IL17D: variants seen among roughly 807,000 people sequenced by gnomAD.
IL17D encodes the protein interleukin-17D.
A neutral mutation model predicts 5.7 loss-of-function variants in IL17D; 10 were observed. The ratio of observed to expected loss-of-function variants is 1.75; its 90% CI spans 1.08 to 2.97. The LOEUF is 2.97. Ranked by LOEUF, IL17D falls within the 30% of genes most tolerant of loss-of-function variation. IL17D has a pLI of 0.00. For synonymous variants in IL17D, 172 were observed against 141.7 expected, an observed-to-expected ratio of 1.21 and a Z score of -1.52; for missense variants, 354 against 292.7, an observed-to-expected ratio of 1.21 and a Z score of -1.53.
intron 1 of IL17D, chr13:20,717,101 A>G (rs2058683753): frequency 6.6e-6 from 1 of 152,158 alleles, no homozygotes; most frequent in Admixed American, 6.5e-5. Context: ...CTCCCAGCTC[A>G]GTTTCCATCA....
Position 20,721,834 on chromosome 13 carries a change from C to T in IL17D, c.489C>T (p.Ile163=). 6.2e-7 allele frequency: 1 copy of T among 1,610,714 alleles called. No individual in the cohort carries two copies. Among genetic ancestry groups the T allele is most frequent in the Middle Eastern group, 1.6e-4 (1 of 6,062 alleles). Residue 163 remains isoleucine, a synonymous_variant, in exon 2 of 2, where the codon ATC becomes ATT. Transcript: ENST00000682841. ...TCTACACCGAGGCCTACGTCACCAT[C>T]CCCGTGGGCTGCACCTGCGTCCCCG... is the stretch of plus-strand genomic sequence containing the variant. ...RSVYTEAYVT[I]PVGCTCVPEP...
At position 20,713,507 on chromosome 13, in the gene IL17D, G is replaced by GA. The variant is rs2058656635; in HGVS notation, c.291-8128dup. On this transcript the variant is annotated intron_variant, in intron 1 of 1. Coordinates refer to ENST00000682841, the MANE Select transcript of IL17D (RefSeq NM_001385224.1). The stretch of plus-strand genomic sequence containing the variant: ...AGGGTAAAAATAAAAGCATTGTCAG[G>GA]AGCATTGTTATGGGATTAAAGTCTC... The GA allele has an allele frequency of 2.6e-5, 4 of 152,208 alleles. No homozygotes were observed. The East Asian group carries it at 7.7e-4, about 29-fold the overall frequency. The allele number at this position is 152,208 out of a possible 1,614,324, so 9.4% of individuals were successfully genotyped here.
At chr13:20,703,554 G>A (rs188108779), upstream of IL17D, 2,216 of 432,470 alleles carry the variant, frequency 5.1e-3, 51 homozygotes, top group African/African-American at 0.045. Context: ...GTGGGTCTGC[G>A]AGGCGGCGGG....
At position 20,721,651 on chromosome 13, in the gene IL17D, G is replaced by A. The variant is rs373674749; in HGVS notation, c.306G>A (p.Pro102=). The change falls in exon 2 of 2, where the codon CCG becomes CCA. Residue 102 remains proline (P), a synonymous_variant. Transcript: ENST00000682841. The part of the protein sequence containing the change: ...SPWAYRISYD[P]ARYPRYLPEA... The stretch of plus-strand genomic sequence containing the variant: ...CTCCCTGCAGAATCTCCTACGACCC[G>A]GCGAGGTACCCCAGGTACCTGCCTG... The A allele has an allele frequency of 2.5e-6, 4 of 1,600,402 alleles. No individual in the cohort carries two copies. In the African/African-American group the frequency reaches 5.4e-5, roughly 21 times the overall value.
intron 1 of IL17D, among the ~76,000 whole-genome samples, chr13:20,705,595 G>A (rs2058585814): frequency 6.6e-6 from 1 of 152,208 alleles, no homozygotes; most frequent in Non-Finnish European, 1.5e-5. Flanking sequence ...TACTCCAGAG[G>A]CTTAAGTGGG....
intron 1 of IL17D, among the ~76,000 whole-genome samples, chr13:20,720,173 C>T (rs1566521937): frequency 6.6e-6 from 1 of 152,102 alleles, no homozygotes; most frequent in Admixed American, 6.5e-5. Flanking sequence ...GCCTTCTCCC[C>T]GGGAAGTCGG....
chr13:20,716,181 CT>C lies in IL17D; in HGVS notation c.291-5454del. ...GACTCTCAGCTCTTGGAGAGGGATGCTACATGTCCCTCAGTGTCCCCAGAGG... is the reference window on the plus strand; with the variant it reads ...GACTCTCAGCTCTTGGAGAGGGATGCACATGTCCCTCAGTGTCCCCAGAGG... On this transcript the variant is annotated intron_variant, in intron 1 of 1. Coordinates refer to ENST00000682841, the MANE Select transcript of IL17D (RefSeq NM_001385224.1). This position sits in a 1 kb window ranked among gnomAD's most constrained non-coding sequence, Gnocchi z 4.2. The C allele has an allele frequency of 6.9e-6, 5 of 720,004 alleles. No homozygotes were observed. Among genetic ancestry groups the C allele is most frequent in the Non-Finnish European group, 8.5e-6 (5 of 586,934 alleles). The allele number at this position is 720,004 out of a possible 1,614,324, so 44.6% of individuals were successfully genotyped here.
intron 1 of IL17D, among the ~76,000 whole-genome samples, chr13:20,708,289 G>A (rs771614479): frequency 2.0e-5 from 3 of 152,224 alleles, no homozygotes; most frequent in Non-Finnish European, 2.9e-5. Flanking sequence ...GATGGGCACA[G>A]CAAGGATCAC....
intron 1 of IL17D, among the ~76,000 whole-genome samples, chr13:20,714,435 A>G (rs2058663450): frequency 6.6e-6 from 1 of 152,222 alleles, no homozygotes; most frequent in African/African-American, 2.4e-5. Context: ...CGGCTGGGCT[A>G]ACCCAGGAGA....
chr13:20,716,506 G>T lies in IL17D; in HGVS notation c.291-5130G>T, dbSNP rs555726516. Among the ~76,000 whole-genome samples, 3 of 152,178 alleles carry T rather than the reference G, an allele frequency of 2.0e-5. No homozygotes were observed. The highest frequency in any genetic ancestry group is 7.2e-5 in the African/African-American group (3 of 41,422). The stretch of plus-strand genomic sequence containing the variant: ...AAAATGTCACATGATCAGTCCTGCC[G>T]TTAGGAAATTGTGGGAAGTGCTCAT... On this transcript the variant is annotated intron_variant, in intron 1 of 1. Transcript: ENST00000682841. This position sits in a 1 kb window ranked among gnomAD's most constrained non-coding sequence, Gnocchi z 4.2.
rs754365459 is a variant in IL17D, at chr13:20,721,856, C to T, written c.511C>T (p.Pro171Ser). 10 of 1,610,632 alleles carry T rather than the reference C, an allele frequency of 6.2e-6. No individual in the cohort carries two copies. Among genetic ancestry groups the T allele is most frequent in the East Asian group, 4.5e-5 (2 of 44,840 alleles). The change falls in exon 2 of 2, where the codon CCC becomes TCC. Residue 171 changes from proline to serine, a missense_variant. Physicochemically the swap from Pro to Ser is moderately conservative, Grantham distance 74 (BLOSUM62 -1). Coordinates refer to ENST00000682841, the MANE Select transcript of IL17D (RefSeq NM_001385224.1). ...CATCCCCGTGGGCTGCACCTGCGTC[C>T]CCGAGCCGGAGAAGGACGCAGACAG... ...VTIPVGCTCVPEPEKDADSIN... is the reference protein window; with the variant it reads ...VTIPVGCTCVSEPEKDADSIN...
intron 1 of IL17D, among the ~76,000 whole-genome samples, chr13:20,718,757 C>G (rs555797213): frequency 7.5e-5 from 11 of 146,226 alleles, no homozygotes; most frequent in Non-Finnish European, 1.4e-4. Flanking sequence ...CCTGCCTGTG[C>G]TCACACACCC....
At chr13:20,705,315 C>T (rs918372918) in intron 1 of IL17D, among the ~76,000 whole-genome samples, 2 of 6,848 alleles carry the variant, frequency 2.9e-4, no homozygotes, top group South Asian at 3.7e-3. Context: ...CGAGCGGGGG[C>T]GGTGGGGGTG....
At chr13:20,705,748 C>T (rs2058587303) in intron 1 of IL17D, among the ~76,000 whole-genome samples, 1 of 152,112 alleles carries the variant, frequency 6.6e-6, no homozygotes, top group African/African-American at 2.4e-5. Flanking sequence ...ATGGAGGAAG[C>T]CATACAGCCA....
At chr13:20,715,286 A>G (rs1276646905) in intron 1 of IL17D, among the ~76,000 whole-genome samples, 1 of 151,852 alleles carries the variant, frequency 6.6e-6, no homozygotes, top group Non-Finnish European at 1.5e-5. Context: ...ACTGATTACT[A>G]TTTTTTATAA....
chr13:20,721,728 A>C lies in IL17D; in HGVS notation c.383A>C (p.Asp128Ala). ...GCLTGLFGEEDVRFRSAPVYM... is the reference protein window; with the variant it reads ...GCLTGLFGEEAVRFRSAPVYM... ...CTGACCGGGCTGTTCGGCGAGGAGGACGTGCGCTTCCGCAGCGCCCCTGTC... is the reference window on the plus strand; with the variant it reads ...CTGACCGGGCTGTTCGGCGAGGAGGCCGTGCGCTTCCGCAGCGCCCCTGTC... Residue 128 changes from aspartate (D) to alanine (A), a missense_variant, in exon 2 of 2, where the codon GAC becomes GCC. Coordinates refer to ENST00000682841, the MANE Select transcript of IL17D (RefSeq NM_001385224.1). 6.2e-7 allele frequency: 1 copy of C among 1,611,048 alleles called. No homozygotes were observed. The highest frequency in any genetic ancestry group is 8.5e-7 in the Non-Finnish European group (1 of 1,179,478).
In IL17D at chr13:20,721,984, G is replaced by C. The variant is rs2058740829; in HGVS notation, c.*30G>C. 6.6e-7 allele frequency: 1 copy of C among 1,526,610 alleles called. No homozygotes were observed. Among genetic ancestry groups the C allele is most frequent in the East Asian group, 2.3e-5 (1 of 43,268 alleles). 94.6% of individuals were successfully genotyped at this position (1,526,610 alleles called of 1,614,324 possible). Reference sequence around the variant, plus strand: ...GGTCCTGCCCCGGGAGGTCTCCCCGGCCCGCATCCCGAGGCGCCCAAGCTG... The same window carrying C: ...GGTCCTGCCCCGGGAGGTCTCCCCGCCCCGCATCCCGAGGCGCCCAAGCTG... On this transcript the variant is annotated 3_prime_UTR_variant, in exon 2 of 2. Transcript: ENST00000682841.
Position 20,721,942 on chromosome 13 carries a change from C to A in IL17D, c.597C>A (p.Pro199=). The A allele has an allele frequency of 6.3e-7, 1 of 1,595,654 alleles. No homozygotes were observed. Among genetic ancestry groups the A allele is most frequent in the Admixed American group, 1.7e-5 (1 of 59,510 alleles). The change falls in exon 2 of 2, where the codon CCC becomes CCA. Residue 199 remains proline (P), a synonymous_variant. Coordinates refer to ENST00000682841, the MANE Select transcript of IL17D (RefSeq NM_001385224.1). The part of the protein sequence containing the change: ...AKLLLGPNDA[P]AGP ...TCCTGCTGGGCCCCAACGACGCGCCCGCTGGCCCCTGAGGCCGGTCCTGCC... is the reference window on the plus strand; with the variant it reads ...TCCTGCTGGGCCCCAACGACGCGCCAGCTGGCCCCTGAGGCCGGTCCTGCC...
intron 1 of IL17D, among the ~76,000 whole-genome samples, chr13:20,720,075 G>T (rs2058719025): frequency 1.3e-5 from 2 of 152,024 alleles, no homozygotes; most frequent in South Asian, 4.2e-4. Flanking sequence ...TGGTAGCCTG[G>T]CTCCATCAGG....
Sources: allele counts gnomAD v4.1 joint callset (sites outside exome capture counted in the v4.1 genomes callset), GRCh38; gene constraint gnomAD v4.1.1; non-coding constraint Gnocchi (gnomAD v3.1); transcripts MANE v1.5; gene names NCBI Gene and HGNC (gene_info 2026-07-23, HGNC 2026-07-21).